The following ITSN2 variants were observed in gnomAD, a reference collection of about 807,000 sequenced individuals.
ITSN2 encodes the protein intersectin-2.
In ITSN2, 156 loss-of-function variants were observed where a neutral mutation model predicts 243.7. The observed-to-expected ratio is 0.64, with a 90% CI of 0.56 to 0.73. The LOEUF (loss-of-function observed/expected upper bound fraction) is 0.73, where lower values mean the gene tolerates loss of function less well. Among genes scored for constraint, ITSN2 ranks in the 30% least tolerant of loss-of-function variants. The pLI, the probability that ITSN2 is intolerant of heterozygous loss-of-function variation, is 0.00. For missense variants in ITSN2, 1,801 were observed against 1,996.1 expected (o/e 0.90, Z 1.86); for synonymous variants, 703 against 699.9 (o/e 1.00, Z -0.07).
intron 3 of ITSN2, among the ~76,000 whole-genome samples, chr2:24,313,880 A>C (rs190458836): frequency 3.8e-4 from 58 of 152,320 alleles, no homozygotes; most frequent in African/African-American, 1.4e-3. Flanking sequence ...GTGTTAGGAG[A>C]GAGAGTCCTC....
intron 31 of ITSN2, 87 bp from the exon 32 acceptor site, chr2:24,216,319 G>A: frequency 1.9e-6 from 2 of 1,067,452 alleles, no homozygotes; most frequent in Non-Finnish European, 2.6e-6. Flanking sequence ...CAATGGTAAT[G>A]ATAACCAGTG....
At position 24,249,037 on chromosome 2, in the gene ITSN2, A is replaced by G. The variant is rs1287544004; in HGVS notation, c.3121-155T>C. ...AATGAACCTCATGCAGTATTAACAA[A>G]TAAGTGAAAAATCCAACACTTATGA... is the stretch of plus-strand genomic sequence containing the variant. On this transcript the variant is annotated intron_variant, in intron 25 of 39. Transcript: ENST00000355123. The surrounding 1 kb of genome is among the most constrained non-coding windows in gnomAD (Gnocchi z 4.4). Among the ~76,000 whole-genome samples the G allele has an allele frequency of 6.6e-6, 1 of 152,230 alleles. No homozygotes were observed. The highest frequency in any genetic ancestry group is 1.5e-5 in the Non-Finnish European group (1 of 68,030).
rs1407536223 is a variant in ITSN2 at position 24,251,605 on chromosome 2, GTA to G, written c.3120+738_3120+739del. Among the ~76,000 whole-genome samples the G allele has an allele frequency of 1.1e-4, 15 of 138,072 alleles. 7 individuals carry two copies. The highest frequency in any genetic ancestry group is 3.5e-4 in the African/African-American group (13 of 37,026). 90.6% of individuals were successfully genotyped at this position (138,072 alleles called of 152,430 possible). On this transcript the variant is annotated intron_variant, in intron 25 of 39. Transcript: ENST00000355123. ...TGTATATATATGTGTATATATATGT[GTA>G]TATATATATACACACACACATATAC...
At chr2:24,310,737 T>C in intron 5 of ITSN2, 45 bp from the exon 6 acceptor site, 1 of 1,526,920 alleles carries the variant, frequency 6.5e-7, no homozygotes, top group Non-Finnish European at 9.0e-7. Flanking sequence ...GAAAATCAAT[T>C]ATAAAACACA....
At chr2:24,330,719 T>C in intron 1 of ITSN2, 1 of 635,102 alleles carries the variant, frequency 1.6e-6, no homozygotes, top group East Asian at 3.0e-5. Flanking sequence ...TGACAGTAGT[T>C]TGAAATACTA....
chr2:24,213,636 G>A (rs1270734533), intron 32 of ITSN2, among the ~76,000 whole-genome samples: 1 of 152,176 alleles, frequency 6.6e-6, no homozygotes, highest in Non-Finnish European at 1.5e-5. Context: ...GTAACCTATA[G>A]CAGGCCTTTC....
intron 1 of ITSN2, among the ~76,000 whole-genome samples, chr2:24,338,381 T>A (rs190918259): frequency 6.6e-6 from 1 of 152,204 alleles, no homozygotes; most frequent in East Asian, 1.9e-4. Context: ...ATGTATTTGA[T>A]TGAAGTCTCT....
rs1393323012 is a variant in ITSN2, at chr2:24,303,343, C to A, written c.857+456G>T. On this transcript the variant is annotated intron_variant, in intron 9 of 39. Coordinates refer to ENST00000355123, the MANE Select transcript of ITSN2 (RefSeq NM_006277.3). Reference sequence around the variant, plus strand: ...TGATACTGATGATCTTGACCCTCTACAGGCCTAAGCTAATGGGTGTCTTTG... The same window carrying A: ...TGATACTGATGATCTTGACCCTCTAAAGGCCTAAGCTAATGGGTGTCTTTG... Among the ~76,000 whole-genome samples the A allele has an allele frequency of 2.6e-5, 4 of 152,314 alleles. No individual in the cohort carries two copies. In the East Asian group the frequency reaches 7.7e-4, roughly 29 times the overall value.
intron 10 of ITSN2, among the ~76,000 whole-genome samples, chr2:24,301,459 C>T (rs1284637674): frequency 6.6e-6 from 1 of 151,760 alleles, no homozygotes; most frequent in Non-Finnish European, 1.5e-5. Flanking sequence ...GGTTCTTGGG[C>T]AAGTTTTTCT....
At chr2:24,218,601 C>T (rs112232621) in intron 30 of ITSN2, among the ~76,000 whole-genome samples, 7 of 151,794 alleles carry the variant, frequency 4.6e-5, no homozygotes, top group South Asian at 2.1e-4. Flanking sequence ...TACACACACG[C>T]GTGTGTGTTT....
At chr2:24,299,108 C>T (rs1681393058) in intron 12 of ITSN2, among the ~76,000 whole-genome samples, 1 of 150,438 alleles carries the variant, frequency 6.6e-6, no homozygotes, top group Admixed American at 6.6e-5. Context: ...TGGCTCACTG[C>T]AACCTCCACC....
At chr2:24,295,100 A>G (rs905315346) in intron 14 of ITSN2, among the ~76,000 whole-genome samples, 2 of 152,210 alleles carry the variant, frequency 1.3e-5, no homozygotes, top group Admixed American at 1.3e-4. Context: ...AAGAATGCAT[A>G]AACATTGTTA....
chr2:24,298,288 G>C (rs1681252235), intron 13 of ITSN2, among the ~76,000 whole-genome samples: 1 of 152,178 alleles, frequency 6.6e-6, no homozygotes, highest in African/African-American at 2.4e-5. Flanking sequence ...GTCCCAAGTA[G>C]CTGGGACTAC....
chr2:24,223,490 G>A (rs1411520807), intron 29 of ITSN2, among the ~76,000 whole-genome samples: 5 of 151,768 alleles, frequency 3.3e-5, no homozygotes, highest in African/African-American at 4.8e-5. Flanking sequence ...ACCAGCCTGG[G>A]CAACAAAGTG....
At chr2:24,247,234 T>C (rs1046079562) in intron 27 of ITSN2, among the ~76,000 whole-genome samples, 47 of 152,118 alleles carry the variant, frequency 3.1e-4, no homozygotes, top group Non-Finnish European at 4.4e-4. Flanking sequence ...GGAACCCCAG[T>C]CAAAACTGCA....
chr2:24,290,374 A>G (rs1680088541), intron 15 of ITSN2, among the ~76,000 whole-genome samples: 1 of 151,980 alleles, frequency 6.6e-6, no homozygotes, highest in Non-Finnish European at 1.5e-5. Context: ...CCTTTGCCGT[A>G]TTTTTCTATT....
intron 20 of ITSN2, among the ~76,000 whole-genome samples, chr2:24,262,395 C>T (rs942131102): frequency 3.3e-5 from 5 of 151,554 alleles, no homozygotes; most frequent in African/African-American, 1.2e-4. Context: ...GTTCCTGTTA[C>T]ACAGTTTTTT....
At chr2:24,315,461 A>G (rs1239398163) in intron 2 of ITSN2, among the ~76,000 whole-genome samples, 1 of 152,240 alleles carries the variant, frequency 6.6e-6, no homozygotes, top group Non-Finnish European at 1.5e-5. Context: ...ATGGGCATCA[A>G]GCTAAATACT....
At chr2:24,330,366 G>A in intron 1 of ITSN2, 1 of 533,962 alleles carries the variant, frequency 1.9e-6, no homozygotes, top group Non-Finnish European at 3.6e-6. Context: ...TGCATCCTGT[G>A]CCAAGTGCTT....
Sources: allele counts gnomAD v4.1 joint callset (sites outside exome capture counted in the v4.1 genomes callset), GRCh38; gene constraint gnomAD v4.1.1; non-coding constraint Gnocchi (gnomAD v3.1); transcripts MANE v1.5; gene names NCBI Gene and HGNC (gene_info 2026-07-23, HGNC 2026-07-21).